PACS1: variants seen among roughly 807,000 people sequenced by gnomAD.
PACS1 encodes the protein phosphofurin acidic cluster sorting protein 1.
PACS1 carries 24 observed loss-of-function variants against 115.0 expected under a neutral mutation model. The ratio of observed to expected loss-of-function variants is 0.21; its 90% CI spans 0.15 to 0.29. The LOEUF is 0.29. Ranked by LOEUF, PACS1 falls within the 10% of genes least tolerant of loss-of-function variation. The pLI is 1.00. For missense variants in PACS1, 838 were observed against 1,251.2 expected (o/e 0.67, Z 4.98); for synonymous variants, 453 against 504.5 (o/e 0.90, Z 1.37).
chr11:66,202,991 A>G (rs1466131836), intron 2 of PACS1, among the ~76,000 whole-genome samples: 2 of 151,928 alleles, frequency 1.3e-5, no homozygotes, highest in Non-Finnish European at 2.9e-5. Context: ...TATTCAGTAT[A>G]GTACTGGAAG....
chr11:66,227,833 G>A (rs1365429209), intron 11 of PACS1, among the ~76,000 whole-genome samples: 2 of 152,158 alleles, frequency 1.3e-5, no homozygotes, highest in African/African-American at 4.8e-5. Context: ...AATAAGAGCT[G>A]ACCAAATGCT....
intron 2 of PACS1, among the ~76,000 whole-genome samples, chr11:66,205,324 T>C (rs1174903953): frequency 6.6e-6 from 1 of 151,994 alleles, no homozygotes; most frequent in Non-Finnish European, 1.5e-5. Flanking sequence ...TTTAATGTTT[T>C]AAAGATCTGA....
At chr11:66,211,628 G>A (rs2134700969) in intron 4 of PACS1, among the ~76,000 whole-genome samples, 1 of 152,168 alleles carries the variant, frequency 6.6e-6, no homozygotes, top group African/African-American at 2.4e-5. Context: ...ATTATTTTCT[G>A]AGCCATCCGA....
intron 1 of PACS1, among the ~76,000 whole-genome samples, chr11:66,134,313 G>T (rs549178423): frequency 8.2e-6 from 1 of 122,096 alleles, no homozygotes; most frequent in East Asian, 2.5e-4. Flanking sequence ...CCAAGCTGGA[G>T]TGCAGTGGAG....
intron 1 of PACS1, among the ~76,000 whole-genome samples, chr11:66,089,363 C>T (rs547192570): frequency 3.8e-4 from 58 of 152,226 alleles, no homozygotes; most frequent in African/African-American, 1.3e-3. Context: ...TCCCCAAGTG[C>T]GTGTGATTTT....
chr11:66,207,054 T>G (rs1225755747), intron 2 of PACS1, among the ~76,000 whole-genome samples: 2 of 152,240 alleles, frequency 1.3e-5, no homozygotes, highest in Admixed American at 1.3e-4. Context: ...GTGTCCCCAC[T>G]GTTTCCCTTC....
At chr11:66,075,738 CTT>C (rs756089252) in intron 1 of PACS1, among the ~76,000 whole-genome samples, 14 of 134,102 alleles carry the variant, frequency 1.0e-4, no homozygotes, top group Non-Finnish European at 1.3e-4. Flanking sequence ...ATTAAAAGTC[CTT>C]TTTTTTTTTT....
intron 1 of PACS1, among the ~76,000 whole-genome samples, chr11:66,176,998 G>A (rs1743660679): frequency 6.6e-6 from 1 of 152,122 alleles, no homozygotes; most frequent in Non-Finnish European, 1.5e-5. Flanking sequence ...TGAGGTCAGG[G>A]ATCGTTCTTG....
chr11:66,097,423 G>A (rs75382462), intron 1 of PACS1, among the ~76,000 whole-genome samples: 3,625 of 152,258 alleles, frequency 0.024, 167 homozygotes, highest in African/African-American at 0.083. Flanking sequence ...CCCACAGCCA[G>A]CAAGAGACTG....
intron 1 of PACS1, among the ~76,000 whole-genome samples, chr11:66,128,567 TA>T (rs1483646638): frequency 6.6e-6 from 1 of 152,094 alleles, no homozygotes. Flanking sequence ...TTGAAAATTT[TA>T]GAATTAAATT....
chr11:66,110,769 A>G (rs796258165), intron 1 of PACS1, among the ~76,000 whole-genome samples: 9 of 152,038 alleles, frequency 5.9e-5, no homozygotes, highest in African/African-American at 2.2e-4. Context: ...GGGTTTTGCC[A>G]TGTTGGCCAG....
chr11:66,137,029 C>CG (rs899588530), intron 1 of PACS1, among the ~76,000 whole-genome samples: 1 of 149,124 alleles, frequency 6.7e-6, no homozygotes, highest in Admixed American at 6.7e-5. Context: ...ATTGCCCCCC[C>CG]CCCCACCATT....
intron 1 of PACS1, among the ~76,000 whole-genome samples, chr11:66,155,340 G>A (rs1042136976): frequency 3.3e-5 from 5 of 152,106 alleles, no homozygotes; most frequent in Non-Finnish European, 7.3e-5. Context: ...TGTACAATAT[G>A]GGATAAAATG....
rs138556755 is a variant in PACS1, at chr11:66,132,755, G to A, written c.357-60731G>A. On this transcript the variant is annotated intron_variant, in intron 1 of 23. Transcript: ENST00000320580. ...GGGATCTCTGCTCACTGCAACCTCC[G>A]CCTCCCAGGTTCAAGCAATTCTCAT... 8.3e-3 allele frequency among the ~76,000 whole-genome samples: 1,266 copies of A among 152,118 alleles called. 86 individuals are homozygous for A. The East Asian group carries it at 0.17, about 21-fold the overall frequency.
intron 11 of PACS1, among the ~76,000 whole-genome samples, chr11:66,228,872 A>G (rs539031165): frequency 4.6e-5 from 7 of 152,196 alleles, no homozygotes; most frequent in Non-Finnish European, 1.0e-4. Context: ...TTCTTACTTT[A>G]TAGAAGTTAT....
At chr11:66,202,741 AAATAT>A (rs1399505434) in intron 2 of PACS1, among the ~76,000 whole-genome samples, 5 of 93,868 alleles carry the variant, frequency 5.3e-5, no homozygotes, top group East Asian at 6.3e-4. Flanking sequence ...AAAAAAAAAA[AAATAT>A]ATATATATAT....
chr11:66,112,574 G>T (rs149140608), intron 1 of PACS1, among the ~76,000 whole-genome samples: 2 of 152,212 alleles, frequency 1.3e-5, no homozygotes, highest in African/African-American at 2.4e-5. Flanking sequence ...ACAGGAGAGG[G>T]GTTATATCTG....
intron 10 of PACS1, among the ~76,000 whole-genome samples, chr11:66,222,924 A>T (rs1855384309): frequency 6.6e-6 from 1 of 151,984 alleles, no homozygotes; most frequent in Non-Finnish European, 1.5e-5. Flanking sequence ...GAGGCAATGC[A>T]TGGGAAACTG....
At chr11:66,132,733 ATC>A (rs1207538436) in intron 1 of PACS1, among the ~76,000 whole-genome samples, 1 of 152,012 alleles carries the variant, frequency 6.6e-6, no homozygotes, top group Non-Finnish European at 1.5e-5. Context: ...CAGTGGTGGG[ATC>A]TCTGCTCACT....
Sources: gnomAD v4.1 joint callset for allele counts (sites outside exome capture counted in the v4.1 genomes callset) on GRCh38, gnomAD v4.1.1 for gene constraint, MANE v1.5 for transcripts, NCBI Gene and HGNC (gene_info 2026-07-23, HGNC 2026-07-21) for gene names.